The following KLHL28 variants were observed in gnomAD, a reference collection of about 807,000 sequenced individuals.
KLHL28 encodes the protein kelch like family member 28, also known as kelch-like protein 28.
In KLHL28, 22 loss-of-function variants were observed where a neutral mutation model predicts 48.3. The observed-to-expected ratio is 0.46, with a 90% CI of 0.33 to 0.65. KLHL28 has a LOEUF of 0.65. KLHL28 is among the 30% of genes least tolerant of loss of function. The probability of loss-of-function intolerance (pLI) is 0.03; values close to 1 mark genes in which losing one functional copy is unlikely to be tolerated. For missense variants in KLHL28, 527 were observed against 704.3 expected, an observed-to-expected ratio of 0.75 and a Z score of 2.85; for synonymous variants, 243 against 242.4, an observed-to-expected ratio of 1.00 and a Z score of -0.02.
chr14:44,941,471 A>G (rs899208623), intron 2 of KLHL28, among the ~76,000 whole-genome samples: 1 of 151,704 alleles, frequency 6.6e-6, no homozygotes. Context: ...TCTACTAAAA[A>G]TACAAAATTA....
intron 3 of KLHL28, among the ~76,000 whole-genome samples, chr14:44,933,313 C>CT (rs200736260): frequency 0.025 from 3,477 of 138,002 alleles, 138 homozygotes; most frequent in African/African-American, 0.083. Flanking sequence ...TTCTTTCTTT[C>CT]TTTTTTTTTT....
rs1884151359 is a variant in KLHL28 at position 44,942,616 on chromosome 14, C to T, written c.899+2414G>A. Among the ~76,000 whole-genome samples, 5 of 151,874 alleles carry T rather than the reference C, an allele frequency of 3.3e-5. No homozygotes were observed. The South Asian group carries it at 8.3e-4, about 25-fold the overall frequency. On this transcript the variant is annotated intron_variant, in intron 2 of 4. Coordinates refer to ENST00000396128, the MANE Select transcript of KLHL28 (RefSeq NM_017658.5). Reference sequence around the variant, plus strand: ...ACTGCTTGACACTTCTTGGTTAGAACCCTTTACTTCTGAATACCAATTAGC... The same window carrying T: ...ACTGCTTGACACTTCTTGGTTAGAATCCTTTACTTCTGAATACCAATTAGC...
Position 44,952,949 on chromosome 14 carries a change from T to G in KLHL28, c.1-7021A>C, listed in dbSNP as rs1038319577. ...CAGGAAAGAACAGGGAGTAAAAGCA[T>G]TAATTTTAGAGTCGGACAGATTTGG... On this transcript the variant is annotated intron_variant, in intron 1 of 4. Coordinates refer to ENST00000396128, the MANE Select transcript of KLHL28 (RefSeq NM_017658.5). Among the ~76,000 whole-genome samples the G allele has an allele frequency of 4.6e-5, 7 of 152,012 alleles. No individual in the cohort carries two copies. In the East Asian group the frequency reaches 1.3e-3, roughly 29 times the overall value.
intron 2 of KLHL28, among the ~76,000 whole-genome samples, chr14:44,940,693 T>TA (rs895377516): frequency 3.9e-5 from 6 of 152,238 alleles, no homozygotes; most frequent in African/African-American, 1.4e-4. Flanking sequence ...TCTTGAGGCA[T>TA]AAAGAGTCTC....
intron 1 of KLHL28, among the ~76,000 whole-genome samples, chr14:44,958,730 G>A (rs774242899): frequency 6.6e-5 from 10 of 152,020 alleles, no homozygotes; most frequent in African/African-American, 9.7e-5. Context: ...TATGACAGGC[G>A]TCTAAGTTAC....
chr14:44,955,039 C>T (rs983490368), intron 1 of KLHL28, among the ~76,000 whole-genome samples: 11 of 151,894 alleles, frequency 7.2e-5, no homozygotes, highest in Non-Finnish European at 1.6e-4. Flanking sequence ...GTGTATTGTG[C>T]TATAAAGCAA....
At chr14:44,952,962 C>G (rs1029464435) in intron 1 of KLHL28, among the ~76,000 whole-genome samples, 1 of 151,270 alleles carries the variant, frequency 6.6e-6, no homozygotes, top group African/African-American at 2.4e-5. Flanking sequence ...ATTTTAGAGT[C>G]GGACAGATTT....
chr14:44,946,546 C>G (rs1884343277), intron 1 of KLHL28, among the ~76,000 whole-genome samples: 1 of 147,288 alleles, frequency 6.8e-6, no homozygotes, highest in South Asian at 2.1e-4. Flanking sequence ...CATACCCACT[C>G]AACTCTTTTT....
intron 4 of KLHL28, among the ~76,000 whole-genome samples, chr14:44,929,794 G>C (rs1176645647): frequency 6.6e-6 from 1 of 152,096 alleles, no homozygotes; most frequent in Non-Finnish European, 1.5e-5. Flanking sequence ...TGCCTGGCTC[G>C]ACAGCCTAGG....
intron 2 of KLHL28, among the ~76,000 whole-genome samples, chr14:44,936,152 T>C (rs1410621885): frequency 2.6e-5 from 4 of 151,890 alleles, no homozygotes; most frequent in Admixed American, 2.6e-4. Context: ...GATAAGGAAG[T>C]GAAAACAGGG....
chr14:44,934,068 T>C (rs1883699480), intron 3 of KLHL28, 47 bp downstream of exon 3: 2 of 1,452,442 alleles, frequency 1.4e-6, no homozygotes, highest in East Asian at 4.6e-5. Context: ...CTAATGAGAC[T>C]TTTAAAAATC....
chr14:44,934,370 G>GT lies in KLHL28; in HGVS notation c.1087dup (p.Thr363AsnfsTer12). 3 of 1,614,110 alleles carry GT rather than the reference G, an allele frequency of 1.9e-6. No homozygotes were observed. Among genetic ancestry groups the GT allele is most frequent in the Non-Finnish European group, 2.5e-6 (3 of 1,179,998 alleles). On this transcript the variant is annotated frameshift_variant, in exon 3 of 5. Transcript: ENST00000396128. LOFTEE classifies it high-confidence loss of function. ...TCTCTCTAGAGAAGTCCAAGTATTT[G>GT]TATCAGGATTCCAGCATTCCACTGA...
intron 2 of KLHL28, among the ~76,000 whole-genome samples, chr14:44,941,628 C>CAA (rs1247926852): frequency 5.6e-4 from 45 of 81,022 alleles, no homozygotes; most frequent in South Asian, 1.3e-3. Flanking sequence ...AACTCTGTCT[C>CAA]AAAAAAAAAA....
chr14:44,929,988 T>C (rs940079221), intron 4 of KLHL28, among the ~76,000 whole-genome samples: 2 of 152,166 alleles, frequency 1.3e-5, no homozygotes, highest in African/African-American at 4.8e-5. Context: ...GGTTTTCAAA[T>C]ACATTGAAAT....
chr14:44,957,787 T>G (rs557595198), intron 1 of KLHL28, among the ~76,000 whole-genome samples: 81 of 152,164 alleles, frequency 5.3e-4, no homozygotes, highest in Non-Finnish European at 8.7e-4. Context: ...TCTATGTAAT[T>G]CTTAAATATT....
intron 1 of KLHL28, among the ~76,000 whole-genome samples, chr14:44,951,902 C>T (rs1448963707): frequency 2.0e-5 from 3 of 151,984 alleles, no homozygotes; most frequent in African/African-American, 7.3e-5. Context: ...TTGCCCTGGC[C>T]AGGGTGTGGT....
chr14:44,928,770 A>G lies in KLHL28; in HGVS notation c.*258T>C, dbSNP rs959024544. 1.8e-5 allele frequency: 5 copies of G among 280,022 alleles called. No individual in the cohort carries two copies. The highest frequency in any genetic ancestry group is 1.1e-4 in the African/African-American group (5 of 44,890). The allele number at this position is 280,022 out of a possible 1,614,324, so 17.3% of individuals were successfully genotyped here. A position where few individuals can be genotyped will look rare whatever the true frequency, so the allele number is the denominator to read the frequency against. ...AACTAGTACATCTCAGTCTTGGGGG[A>G]AAAAGTGCAGAATTCAATTGGCAAA... On this transcript the variant is annotated 3_prime_UTR_variant, in exon 5 of 5. Transcript: ENST00000396128.
chr14:44,937,552 G>A (rs972850393), intron 2 of KLHL28, among the ~76,000 whole-genome samples: 2 of 152,096 alleles, frequency 1.3e-5, no homozygotes, highest in African/African-American at 4.8e-5. Context: ...TATGATGATG[G>A]ATTATCTGTA....
chr14:44,938,983 C>T (rs971797704), intron 2 of KLHL28, among the ~76,000 whole-genome samples: 6 of 152,188 alleles, frequency 3.9e-5, no homozygotes, highest in East Asian at 3.8e-4. Context: ...CTGCTTGCCC[C>T]CTGTGCTATC....
Sources: allele counts gnomAD v4.1 joint callset (sites outside exome capture counted in the v4.1 genomes callset), GRCh38; gene constraint gnomAD v4.1.1; transcripts MANE v1.5; gene names NCBI Gene and HGNC (gene_info 2026-07-23, HGNC 2026-07-21).